Variants in UTRN observed in about 807,000 individuals in gnomAD.
UTRN encodes utrophin.
A neutral mutation model predicts 463.9 loss-of-function variants in UTRN; 283 were observed. The observed-to-expected ratio is 0.61, with a 90% CI of 0.55 to 0.67. The LOEUF is 0.67. Among genes scored for constraint, UTRN ranks in the 30% least tolerant of loss-of-function variants. UTRN has a pLI of 0.00. For synonymous variants in UTRN, 1,442 were observed against 1,431.5 expected, an observed-to-expected ratio of 1.01 and a Z score of -0.17; for missense variants, 3,922 against 4,084.3, an observed-to-expected ratio of 0.96 and a Z score of 1.08.
chr6:144,756,035 G>A (rs1463580408), intron 57 of UTRN, among the ~76,000 whole-genome samples: 10 of 151,870 alleles, frequency 6.6e-5, no homozygotes, highest in Non-Finnish European at 1.5e-4. Flanking sequence ...TTAGACCTTA[G>A]GTAGTTAATC....
At position 144,707,683 on chromosome 6, in the gene UTRN, A is replaced by C. The variant is rs546615653; in HGVS notation, c.7809+7440A>C. 4.3e-4 allele frequency among the ~76,000 whole-genome samples: 65 copies of C among 152,336 alleles called. 1 individual carries two copies. In the South Asian group the frequency reaches 0.013, roughly 31 times the overall value. On this transcript the variant is annotated intron_variant, in intron 53 of 74. Transcript: ENST00000367545. ...TCACCTGATGGGCTTGTTAAGCCAC[A>C]GATTGGTAGGCCCCACTTTCAGAGC...
At chr6:144,315,470 G>T (rs1775221457) in intron 2 of UTRN, among the ~76,000 whole-genome samples, 1 of 152,170 alleles carries the variant, frequency 6.6e-6, no homozygotes, top group African/African-American at 2.4e-5. Flanking sequence ...ACTGGCTGAG[G>T]TTCTGACACT....
chr6:144,467,136 T>C (rs1319065339), intron 23 of UTRN, among the ~76,000 whole-genome samples: 1 of 152,196 alleles, frequency 6.6e-6, no homozygotes, highest in Admixed American at 6.5e-5. Context: ...GTGAGCTGAG[T>C]CAGGTGGGGA....
At chr6:144,310,864 G>C (rs141452932) in intron 2 of UTRN, among the ~76,000 whole-genome samples, 1 of 152,214 alleles carries the variant, frequency 6.6e-6, no homozygotes, top group Non-Finnish European at 1.5e-5. Flanking sequence ...TTATTGTCCC[G>C]ATTGATTAGC....
intron 51 of UTRN, among the ~76,000 whole-genome samples, chr6:144,665,831 A>AT (rs1231338122): frequency 6.6e-6 from 1 of 152,178 alleles, no homozygotes; most frequent in Admixed American, 6.5e-5. Context: ...CTTCTACATT[A>AT]TACTTACATT....
intron 9 of UTRN, among the ~76,000 whole-genome samples, chr6:144,435,105 A>G (rs9496972): frequency 0.92 from 140,193 of 152,260 alleles, 64,647 homozygotes; most frequent in Middle Eastern, 0.96. Flanking sequence ...TTAACAAACC[A>G]TAGCTGTTAA....
intron 3 of UTRN, among the ~76,000 whole-genome samples, chr6:144,407,734 T>C (rs936491849): frequency 6.6e-6 from 1 of 152,216 alleles, no homozygotes; most frequent in Non-Finnish European, 1.5e-5. Flanking sequence ...TAAATGAATA[T>C]ACAGTAACCA....
intron 51 of UTRN, among the ~76,000 whole-genome samples, chr6:144,592,308 C>T (rs575247523): frequency 1.2e-4 from 19 of 152,098 alleles, no homozygotes; most frequent in African/African-American, 3.9e-4. Flanking sequence ...GTCCAGGGTA[C>T]GTTATTAGAA....
rs1352843602 is a variant in UTRN, at chr6:144,337,152, C to CACACACACACAGACACACACACACAG, written c.79+45257_79+45282dup. 1.3e-5 allele frequency among the ~76,000 whole-genome samples: 2 copies of CACACACACACAGACACACACACACAG among 149,232 alleles called. 1 individual carries two copies. The highest frequency in any genetic ancestry group is 3.0e-5 in the Non-Finnish European group (2 of 67,006). On this transcript the variant is annotated intron_variant, in intron 2 of 74. Coordinates refer to ENST00000367545, the MANE Select transcript of UTRN (RefSeq NM_007124.3). Reference sequence around the variant, plus strand: ...ACACACACAGACTCACACACAGAGACACACACACACAGACACACACACACA... The same window carrying CACACACACACAGACACACACACACAG: ...ACACACACAGACTCACACACAGAGACACACACACACAGACACACACACACAGACACACACACAGACACACACACACA...
rs372330183 is a variant in UTRN, at chr6:144,606,755, TGTCTTA to T, written c.7479+29469_7479+29474del. ...AACACACATTTTCCTAAAATCTCAT[TGTCTTA>T]GCTTTCTTGAGTTTTTATCCTGGAA... On this transcript the variant is annotated intron_variant, in intron 51 of 74. Coordinates refer to ENST00000367545, the MANE Select transcript of UTRN (RefSeq NM_007124.3). Among the ~76,000 whole-genome samples the T allele has an allele frequency of 2.1e-3, 315 of 152,348 alleles. 2 individuals carry two copies. The highest frequency in any genetic ancestry group is 6.0e-3 in the African/African-American group (249 of 41,584).
chr6:144,411,546 T>C (rs1417907244), intron 3 of UTRN, among the ~76,000 whole-genome samples: 2 of 152,220 alleles, frequency 1.3e-5, no homozygotes, highest in African/African-American at 2.4e-5. Context: ...ATCATCACTA[T>C]ACCGGTAACT....
chr6:144,331,823 A>G (rs1360152713), intron 2 of UTRN, among the ~76,000 whole-genome samples: 2 of 152,208 alleles, frequency 1.3e-5, no homozygotes, highest in African/African-American at 2.4e-5. Flanking sequence ...TGTTTCCCAG[A>G]GAAGTGACTT....
chr6:144,622,163 T>C (rs1404384299), intron 51 of UTRN, among the ~76,000 whole-genome samples: 1 of 150,582 alleles, frequency 6.6e-6, no homozygotes, highest in Non-Finnish European at 1.5e-5. Flanking sequence ...TTACAATAGA[T>C]GGTATCCATT....
chr6:144,806,866 T>C lies in UTRN; in HGVS notation c.9357+3719T>C. Among the ~76,000 whole-genome samples the C allele has an allele frequency of 2.0e-5, 2 of 102,232 alleles. 1 individual carries two copies. Among genetic ancestry groups the C allele is most frequent in the Non-Finnish European group, 4.4e-5 (2 of 45,482 alleles). The allele number at this position is 102,232 out of a possible 152,430, so 67.1% of individuals were successfully genotyped here. A position where few individuals can be genotyped will look rare whatever the true frequency, so the allele number is the denominator to read the frequency against. ...ATGTAGAAAACAGGAAAAATATAAA[T>C]GCAAGTATTCAGAAATCATTGCTTT... is the stretch of plus-strand genomic sequence containing the variant. On this transcript the variant is annotated intron_variant, in intron 65 of 74. Coordinates refer to ENST00000367545, the MANE Select transcript of UTRN (RefSeq NM_007124.3).
chr6:144,376,141 T>C (rs888986528), intron 2 of UTRN, among the ~76,000 whole-genome samples: 4 of 152,020 alleles, frequency 2.6e-5, no homozygotes, highest in Admixed American at 2.6e-4. Context: ...TGTGCACCAC[T>C]ATTCCCAGTT....
At chr6:144,317,639 C>T (rs1490686200) in intron 2 of UTRN, among the ~76,000 whole-genome samples, 3 of 152,118 alleles carry the variant, frequency 2.0e-5, no homozygotes, top group African/African-American at 7.2e-5. Flanking sequence ...TCAAGTGATC[C>T]ACCCACCTCG....
At chr6:144,355,543 A>G (rs928957336) in intron 2 of UTRN, among the ~76,000 whole-genome samples, 2 of 152,132 alleles carry the variant, frequency 1.3e-5, no homozygotes, top group South Asian at 4.1e-4. Context: ...GTGAAACCTA[A>G]AATTTAATAT....
chr6:144,303,413 GT>G (rs1231092623), intron 2 of UTRN, among the ~76,000 whole-genome samples: 1 of 152,206 alleles, frequency 6.6e-6, no homozygotes, highest in Non-Finnish European at 1.5e-5. Context: ...AATGAGGTAT[GT>G]AGTTTTTCAA....
chr6:144,662,015 T>A (rs1779920468), intron 51 of UTRN, among the ~76,000 whole-genome samples: 1 of 151,922 alleles, frequency 6.6e-6, no homozygotes. Flanking sequence ...ATCTATTTAT[T>A]TATTTATTTA....
Sources: allele counts gnomAD v4.1 joint callset (sites outside exome capture counted in the v4.1 genomes callset), GRCh38; gene constraint gnomAD v4.1.1; transcripts MANE v1.5; gene names NCBI Gene and HGNC (gene_info 2026-07-23, HGNC 2026-07-21).